IPO4: variants seen among roughly 807,000 people sequenced by gnomAD.
IPO4 encodes the protein importin 4.
IPO4 carries 91 observed loss-of-function variants against 133.5 expected under a neutral mutation model. The ratio of observed to expected loss-of-function variants is 0.68; its 90% CI spans 0.58 to 0.81. The LOEUF is 0.81. Among genes scored for constraint, IPO4 ranks in the 30% least tolerant of loss-of-function variants. The pLI, the probability that IPO4 is intolerant of heterozygous loss-of-function variation, is 0.00. For synonymous variants in IPO4, 607 were observed against 581.6 expected, an observed-to-expected ratio of 1.04 and a Z score of -0.63; for missense variants, 1,279 against 1,386.2, an observed-to-expected ratio of 0.92 and a Z score of 1.23.
chr14:24,187,024 G>T, intron 7 of IPO4, 45 bp from the exon 8 acceptor site: 2 of 1,611,386 alleles, frequency 1.2e-6, no homozygotes, highest in Non-Finnish European at 1.7e-6. Context: ...CTTCTTCAGT[G>T]GGCCAAACTG....
intron 18 of IPO4, 26 bp downstream of exon 18, chr14:24,183,972 G>GGGGGCCCC: frequency 4.4e-6 from 7 of 1,573,284 alleles, no homozygotes; most frequent in Non-Finnish European, 6.0e-6. Context: ...GGCAGGCCTG[G>GGGGGCCCC]CCCAGCCCAC....
chr14:24,183,067 CCT>C lies in IPO4; in HGVS notation c.2328_2329del (p.Val778AlafsTer17), dbSNP rs769795998. On this transcript the variant is annotated frameshift_variant, in exon 23 of 30. Coordinates refer to ENST00000354464, the MANE Select transcript of IPO4 (RefSeq NM_024658.4). LOFTEE classifies it high-confidence loss of function. ...GAGGGTCCCACAGCTGCGGAGCACC[CCT>C]GTCAGGGCCTCCAGCACGGCCATCA... 35 of 1,613,760 alleles carry C rather than the reference CCT, an allele frequency of 2.2e-5. No individual in the cohort carries two copies. Among genetic ancestry groups the C allele is most frequent in the Middle Eastern group, 3.3e-4 (2 of 6,084 alleles).
chr14:24,185,413 G>A (rs1042090889), intron 13 of IPO4, 46 bp downstream of exon 13: 4 of 1,609,124 alleles, frequency 2.5e-6, no homozygotes, highest in African/African-American at 2.7e-5. Flanking sequence ...AAAGATGAGG[G>A]GAAGGGGACA....
intron 13 of IPO4, 31 bp downstream of exon 13, chr14:24,185,428 A>G (rs2039205269): frequency 6.2e-7 from 1 of 1,611,226 alleles, no homozygotes; most frequent in South Asian, 1.1e-5. Flanking sequence ...GGGACATTCA[A>G]GTGGTGGCTC....
chr14:24,184,020 A>C lies in IPO4; in HGVS notation c.1847T>G (p.Leu616Arg), dbSNP rs749780578. ...EQITTLMLLS[L>R]RSTEGIVPQY... ...CACCACAATGCCCTCGGTGGAACGCAGTGACAGCAGCATGAGCGTGGTGAT... is the reference window on the plus strand; with the variant it reads ...CACCACAATGCCCTCGGTGGAACGCCGTGACAGCAGCATGAGCGTGGTGAT... Residue 616 changes from leucine to arginine, a missense_variant, in exon 18 of 30, where the codon CTG becomes CGG. By Grantham distance (102) the Leu-to-Arg change is moderately radical. Transcript: ENST00000354464. 7.1e-7 allele frequency: 1 copy of C among 1,405,932 alleles called. No homozygotes were observed. The highest frequency in any genetic ancestry group is 1.1e-5 in the South Asian group (1 of 88,122). 87.1% of individuals were successfully genotyped at this position (1,405,932 alleles called of 1,614,324 possible).
In IPO4 at chr14:24,185,319, G is replaced by T; in HGVS notation, c.1279-7C>A. ...AATAGCTGCTGATATGGGGCTGGGG[G>T]AGGGAGCAAGCAGGGCCTGAGTCAG... On this transcript the variant is annotated splice_polypyrimidine_tract_variant and splice_region_variant and intron_variant, in intron 13 of 29. Transcript: ENST00000354464. 1 of 1,614,040 alleles carries T rather than the reference G, an allele frequency of 6.2e-7. No individual in the cohort carries two copies. Among genetic ancestry groups the T allele is most frequent in the East Asian group, 2.2e-5 (1 of 44,874 alleles).
chr14:24,188,411 C>T lies in IPO4; in HGVS notation c.169G>A (p.Ala57Thr). 6.2e-7 allele frequency: 1 copy of T among 1,611,832 alleles called. No individual in the cohort carries two copies. The highest frequency in any genetic ancestry group is 1.7e-5 in the Admixed American group (1 of 60,004). The change falls in exon 3 of 30, where the codon GCG becomes ACG. Residue 57 changes from alanine (A) to threonine (T), a missense_variant. Transcript: ENST00000354464. ...SAADPQIRQF[A>T]AVLTRRRLNT... ...AGTCGTCTGCGGGTCAGCACGGCCG[C>T]AAACTGGCGGATCTAGGACGAGGAA...
chr14:24,182,166 G>A lies in IPO4; in HGVS notation c.2599-3C>T, dbSNP rs2039148592. The A allele has an allele frequency of 1.2e-6, 2 of 1,613,992 alleles. No homozygotes were observed. Among genetic ancestry groups the A allele is most frequent in the Non-Finnish European group, 1.7e-6 (2 of 1,180,014 alleles). On this transcript the variant is annotated splice_polypyrimidine_tract_variant and splice_region_variant and intron_variant, in intron 25 of 29. Transcript: ENST00000354464. ...TCTGCCACTGTGCAGCCCTGTTTCT[G>A]ATGGGGGAGAACAGGAAGGAGTACA...
Position 24,184,402 on chromosome 14 carries a change from C to T in IPO4, c.1653G>A (p.Leu551=), listed in dbSNP as rs760572335. 1 of 1,609,900 alleles carries T rather than the reference C, an allele frequency of 6.2e-7. No individual in the cohort carries two copies. Among genetic ancestry groups the T allele is most frequent in the Non-Finnish European group, 8.5e-7 (1 of 1,178,550 alleles). ...TCATGGGCTCCCCCACTGCTCGTGC[C>T]AGCACCCCCAGTGTCTCTGTGGGGG... ...QIQSLETLGV[L]ARAVGEPMRP... Residue 551 remains leucine (L), a synonymous_variant, in exon 17 of 30, where the codon CTG becomes CTA. Transcript: ENST00000354464.
chr14:24,183,744 A>T (rs1177876753), intron 19 of IPO4, 39 bp downstream of exon 19: 1 of 1,614,160 alleles, frequency 6.2e-7, no homozygotes, highest in Admixed American at 1.7e-5. Flanking sequence ...GTCTAAAGCC[A>T]AAGTCTAGAT....
At chr14:24,186,604 C>G in intron 9 of IPO4, 104 bp downstream of exon 9, 3 of 1,357,174 alleles carry the variant, frequency 2.2e-6, no homozygotes, top group Non-Finnish European at 3.1e-6. Flanking sequence ...AGGCTTGAAC[C>G]CCCACAGTAC....
chr14:24,186,085 C>T (rs750463054), intron 11 of IPO4, 44 bp downstream of exon 11: 4 of 1,610,518 alleles, frequency 2.5e-6, no homozygotes, highest in East Asian at 4.5e-5. Context: ...GGGGACTAGG[C>T]ACACTTGGAG....
At chr14:24,180,644 A>G (rs937071775) in intron 29 of IPO4, 45 bp downstream of exon 29, 3 of 1,612,564 alleles carry the variant, frequency 1.9e-6, no homozygotes, top group Non-Finnish European at 2.5e-6. Context: ...GAGCCCTGCC[A>G]CTCCCAGCCT....
In IPO4 at chr14:24,182,577, TCCTA is replaced by T. The variant is rs553364672; in HGVS notation, c.2473-178_2473-175del. On this transcript the variant is annotated intron_variant, in intron 24 of 29. Transcript: ENST00000354464. ...CAGCTTCTTCCCCTGGCTCTTCTGCTCCTACCTATCACTCCAAGCACACCCCAGT... is the reference window on the plus strand; with the variant it reads ...CAGCTTCTTCCCCTGGCTCTTCTGCTCCTATCACTCCAAGCACACCCCAGT... 2.0e-4 allele frequency: 205 copies of T among 1,000,594 alleles called. 1 individual carries two copies. The African/African-American group carries it at 2.4e-3, about 12-fold the overall frequency. 62.0% of individuals were successfully genotyped at this position (1,000,594 alleles called of 1,614,324 possible).
At chr14:24,181,453 G>T in intron 28 of IPO4, 60 bp downstream of exon 28, 1 of 1,397,922 alleles carries the variant, frequency 7.2e-7, no homozygotes, top group Non-Finnish European at 9.9e-7. Flanking sequence ...TCAGCAGACA[G>T]TGCCTATCAC....
chr14:24,185,848 G>A lies in IPO4; in HGVS notation c.1169+13C>T, dbSNP rs200868004. 6.2e-5 allele frequency: 100 copies of A among 1,602,858 alleles called. No individual in the cohort carries two copies. The highest frequency in any genetic ancestry group is 5.0e-4 in the Middle Eastern group (3 of 6,034). On this transcript the variant is annotated intron_variant, in intron 12 of 29. Transcript: ENST00000354464. ...TGTGGGCAACCCTCACCCTGGGACA[G>A]GGGAATACATACCTCTGCCTGATGT...
Position 24,186,527 on chromosome 14 carries a change from C to T in IPO4, c.841-76G>A, listed in dbSNP as rs1000645038. On this transcript the variant is annotated intron_variant, in intron 9 of 29. Transcript: ENST00000354464. ...GCTCACATTAAAAATTCCAGTCTTCCAGGCCATAAGGGGTCTGACAGAAAA... is the reference window on the plus strand; with the variant it reads ...GCTCACATTAAAAATTCCAGTCTTCTAGGCCATAAGGGGTCTGACAGAAAA... 1.5e-5 allele frequency: 22 copies of T among 1,499,588 alleles called. No individual in the cohort carries two copies. In the Admixed American group the frequency reaches 4.1e-4, roughly 28 times the overall value. 92.9% of individuals were successfully genotyped at this position (1,499,588 alleles called of 1,614,324 possible).
Position 24,184,906 on chromosome 14 carries a change from G to A in IPO4, c.1483C>T (p.Arg495Trp), listed in dbSNP as rs368316038. The A allele has an allele frequency of 2.8e-5, 45 of 1,613,794 alleles. No individual in the cohort carries two copies. The highest frequency in any genetic ancestry group is 8.9e-5 in the East Asian group (4 of 44,880). ...LQLLRNPSSP[R>W]AKELAVSALG... ...GCGCTCACAGCCAGCTCCTTGGCCC[G>A]GGGACTGCTGGGGTTCCTCAGAAGC... The change falls in exon 15 of 30, where the codon CGG becomes TGG. Residue 495 changes from arginine (R) to tryptophan (W), a missense_variant. Coordinates refer to ENST00000354464, the MANE Select transcript of IPO4 (RefSeq NM_024658.4).
chr14:24,182,148 CTG>C lies in IPO4; in HGVS notation c.2612_2613del (p.Thr871SerfsTer84). ...LLVCKTKQGC[T>X]VAEKSFAVGT... ...CCCACTGCAAAGGACTTCTCTGCCA[CTG>C]TGCAGCCCTGTTTCTGATGGGGGAG... On this transcript the variant is annotated frameshift_variant, in exon 26 of 30. Transcript: ENST00000354464. LOFTEE classifies it high-confidence loss of function. 1 of 1,614,130 alleles carries C rather than the reference CTG, an allele frequency of 6.2e-7. No homozygotes were observed. The highest frequency in any genetic ancestry group is 8.5e-7 in the Non-Finnish European group (1 of 1,180,046).
Sources: gnomAD v4.1 joint callset for allele counts on GRCh38, gnomAD v4.1.1 for gene constraint, MANE v1.5 for transcripts, NCBI Gene and HGNC (gene_info 2026-07-23, HGNC 2026-07-21) for gene names.